Variants in DNAI1 observed in about 807,000 individuals in gnomAD.
The protein encoded by DNAI1 is dynein, axonemal, intermediate polypeptide 1.
Under a neutral mutation model 92.0 loss-of-function variants are expected in DNAI1, and 67 were observed. The ratio of observed to expected loss-of-function variants is 0.73; its 90% CI spans 0.60 to 0.89. The LOEUF (loss-of-function observed/expected upper bound fraction) is 0.89, where lower values mean the gene tolerates loss of function less well. Ranked by LOEUF, DNAI1 falls within the 40% of genes least tolerant of loss-of-function variation. The pLI is 0.00. For synonymous variants in DNAI1, 323 were observed against 319.6 expected (o/e 1.01, Z -0.11); for missense variants, 839 against 866.6 (o/e 0.97, Z 0.40).
At position 34,506,785 on chromosome 9, in the gene DNAI1, G is replaced by A. The variant is rs794727103; in HGVS notation, c.1222G>A (p.Val408Met). The change falls in exon 13 of 20, where the codon GTG becomes ATG. Residue 408 changes from valine (V) to methionine (M), a missense_variant. Val to Met is a conservative substitution (Grantham distance 21). Coordinates refer to ENST00000242317, the MANE Select transcript of DNAI1 (RefSeq NM_012144.4). ...GGCAGTAGGCCACTATGACGGCAACGTGGCCATTTACAACCTCAAGAAGCC... is the reference window on the plus strand; with the variant it reads ...GGCAGTAGGCCACTATGACGGCAACATGGCCATTTACAACCTCAAGAAGCC... ...LVAVGHYDGNVAIYNLKKPHS... is the reference protein window; with the variant it reads ...LVAVGHYDGNMAIYNLKKPHS... 70 of 1,614,150 alleles carry A rather than the reference G, an allele frequency of 4.3e-5. No homozygotes were observed. The highest frequency in any genetic ancestry group is 5.3e-5 in the African/African-American group (4 of 75,042).
chr9:34,485,725 G>A (rs1190836749), intron 4 of DNAI1, among the ~76,000 whole-genome samples: 2 of 152,104 alleles, frequency 1.3e-5, no homozygotes, highest in Admixed American at 6.5e-5. Flanking sequence ...GCTGATTGTG[G>A]TCTTAAGTGT....
At chr9:34,506,903 A>T in intron 13 of DNAI1, 29 bp downstream of exon 13, 1 of 1,608,372 alleles carries the variant, frequency 6.2e-7, no homozygotes. Context: ...AGGGGTGGGG[A>T]TGGGAGCAGC....
chr9:34,520,830 C>A lies in DNAI1; in HGVS notation c.*74C>A. On this transcript the variant is annotated 3_prime_UTR_variant, in exon 20 of 20. Coordinates refer to ENST00000242317, the MANE Select transcript of DNAI1 (RefSeq NM_012144.4). ...GGCTTGACCCTGGTACCCAGCCCAGCCTTAGCACCCAGCATGTGACCCCAC... is the reference window on the plus strand; with the variant it reads ...GGCTTGACCCTGGTACCCAGCCCAGACTTAGCACCCAGCATGTGACCCCAC... 3 of 1,424,532 alleles carry A rather than the reference C, an allele frequency of 2.1e-6. No individual in the cohort carries two copies. The highest frequency in any genetic ancestry group is 2.9e-6 in the Non-Finnish European group (3 of 1,031,834). 88.2% of individuals were successfully genotyped at this position (1,424,532 alleles called of 1,614,324 possible). A position where few individuals can be genotyped will look rare whatever the true frequency, so the allele number is the denominator to read the frequency against.
chr9:34,470,787 C>T (rs1824121751), intron 1 of DNAI1, among the ~76,000 whole-genome samples: 1 of 152,208 alleles, frequency 6.6e-6, no homozygotes, highest in South Asian at 2.1e-4. Flanking sequence ...CGCCCAAGAA[C>T]TGCAGAATTT....
intron 1 of DNAI1, among the ~76,000 whole-genome samples, chr9:34,463,969 T>C (rs1210621290): frequency 1.3e-5 from 2 of 152,204 alleles, no homozygotes; most frequent in Admixed American, 1.3e-4. Flanking sequence ...TGTTTCTGTA[T>C]GTCCAAAGTA....
intron 13 of DNAI1, among the ~76,000 whole-genome samples, 171 bp from the exon 14 acceptor site, chr9:34,511,938 A>C (rs1026204483): frequency 6.6e-6 from 1 of 152,166 alleles, no homozygotes; most frequent in African/African-American, 2.4e-5. Flanking sequence ...GGAATGAGAG[A>C]CAGAGATGGA....
chr9:34,474,567 C>CTTTTTT, intron 1 of DNAI1, among the ~76,000 whole-genome samples: 1 of 107,854 alleles, frequency 9.3e-6, no homozygotes, highest in Non-Finnish European at 2.0e-5. Context: ...TTTTTTTTTC[C>CTTTTTT]TTTTTTTTTT....
intron 1 of DNAI1, among the ~76,000 whole-genome samples, chr9:34,475,939 G>A (rs185002300): frequency 5.9e-4 from 90 of 152,090 alleles, no homozygotes; most frequent in African/African-American, 1.9e-3. Context: ...TGTTCAGTGG[G>A]GTCATGAACC....
At chr9:34,480,233 A>G (rs1824325190) in intron 1 of DNAI1, among the ~76,000 whole-genome samples, 1 of 140,234 alleles carries the variant, frequency 7.1e-6, no homozygotes, top group Admixed American at 7.0e-5. Flanking sequence ...TTTGTTCTGT[A>G]TATATACTGT....
chr9:34,512,109 G>A lies in DNAI1; in HGVS notation c.1312G>A (p.Val438Ile), dbSNP rs1313397239. The stretch of plus-strand genomic sequence containing the variant: ...GAGCTCACATTTTGGGATGTTTCAG[G>A]TCAAGTGGCAGAAGGATGACATGGA... ...SGKHSDPVWQ[V>I]KWQKDDMDQN... is the part of the protein sequence containing the mutation. The change falls in exon 14 of 20, where the codon GTC becomes ATC. Residue 438 changes from valine (V) to isoleucine (I), a missense_variant and splice_region_variant. Physicochemically the swap from Val to Ile is conservative, Grantham distance 29 (BLOSUM62 3). Transcript: ENST00000242317. The A allele has an allele frequency of 6.2e-7, 1 of 1,614,138 alleles. No individual in the cohort carries two copies.
intron 3 of DNAI1, 94 bp from the exon 4 acceptor site, chr9:34,485,343 G>A (rs910874612): frequency 6.3e-7 from 1 of 1,590,372 alleles, no homozygotes. Flanking sequence ...ACCTGGGTGT[G>A]AGATGTCTGC....
chr9:34,508,734 A>C (rs1824997546), intron 13 of DNAI1, among the ~76,000 whole-genome samples: 1 of 152,126 alleles, frequency 6.6e-6, no homozygotes, highest in Non-Finnish European at 1.5e-5. Flanking sequence ...CAAATAGCAG[A>C]TTGCTGGGAA....
chr9:34,512,588 G>A (rs1825088488), intron 15 of DNAI1, among the ~76,000 whole-genome samples, 164 bp downstream of exon 15: 1 of 152,166 alleles, frequency 6.6e-6, no homozygotes, highest in Admixed American at 6.5e-5. Flanking sequence ...TGAACCCTTG[G>A]CTGTTTGTAG....
intron 1 of DNAI1, among the ~76,000 whole-genome samples, chr9:34,473,418 G>A (rs1005280362): frequency 1.3e-5 from 2 of 151,492 alleles, no homozygotes; most frequent in Admixed American, 6.6e-5. Context: ...TCAGCCTCCC[G>A]AGTGGCTGGG....
intron 12 of DNAI1, among the ~76,000 whole-genome samples, chr9:34,501,536 C>T (rs1458793853): frequency 1.3e-5 from 2 of 152,166 alleles, no homozygotes; most frequent in African/African-American, 4.8e-5. Context: ...GTAAGCCATT[C>T]CAAAAAGCTT....
rs761031490 is a variant in DNAI1 at position 34,514,302 on chromosome 9, A to T, written c.1570-92A>T. 4 of 1,519,480 alleles carry T rather than the reference A, an allele frequency of 2.6e-6. 1 individual carries two copies. The South Asian group carries it at 4.5e-5, about 17-fold the overall frequency. The allele number at this position is 1,519,480 out of a possible 1,614,324, so 94.1% of individuals were successfully genotyped here. A position where few individuals can be genotyped will look rare whatever the true frequency, so the allele number is the denominator to read the frequency against. ...CTGGGATGCGATGTGGGTTAAGGAC[A>T]GGAGTCTAAGGCTCTGATCCTCCAG... On this transcript the variant is annotated intron_variant, in intron 16 of 19. Coordinates refer to ENST00000242317, the MANE Select transcript of DNAI1 (RefSeq NM_012144.4).
At chr9:34,501,904 C>T (rs1824838732) in intron 12 of DNAI1, among the ~76,000 whole-genome samples, 1 of 152,218 alleles carries the variant, frequency 6.6e-6, no homozygotes, top group East Asian at 1.9e-4. Context: ...GATTTGCTTT[C>T]CCTTCATGTT....
At chr9:34,487,909 T>C (rs1195432372) in intron 4 of DNAI1, 3 of 194,190 alleles carry the variant, frequency 1.5e-5, no homozygotes, top group African/African-American at 7.2e-5. Flanking sequence ...GAGAGGTAGA[T>C]GGTTCTGATC....
rs769284314 is a variant in DNAI1 at position 34,506,870 on chromosome 9, G to A, written c.1307G>A (p.Trp436Ter). Residue 436 changes from tryptophan to a stop codon, truncating the protein, a stop_gained, in exon 13 of 20, where the codon TGG becomes TAG. Coordinates refer to ENST00000242317, the MANE Select transcript of DNAI1 (RefSeq NM_012144.4). LOFTEE classifies it high-confidence loss of function. Reference protein sequence around the residue: ...AKSGKHSDPVWQVKWQKDDMD... With the variant: ...AKSGKHSDPV ...TCTGGCAAGCACTCAGACCCTGTGT[G>A]GCAGGTCAGCAACCAGGCTGGGAGG... 1 of 1,613,862 alleles carries A rather than the reference G, an allele frequency of 6.2e-7. No individual in the cohort carries two copies. Among genetic ancestry groups the A allele is most frequent in the Non-Finnish European group, 8.5e-7 (1 of 1,179,928 alleles).
Sources: gnomAD v4.1 joint callset for allele counts (sites outside exome capture counted in the v4.1 genomes callset) on GRCh38, gnomAD v4.1.1 for gene constraint, MANE v1.5 for transcripts, NCBI Gene and HGNC (gene_info 2026-07-23, HGNC 2026-07-21) for gene names.